Variants in PSG7 observed in about 807,000 individuals in gnomAD.
PSG7 encodes the protein pregnancy-specific beta-1-glycoprotein 7.
Under a neutral mutation model 45.6 loss-of-function variants are expected in PSG7, and 57 were observed. The ratio of observed to expected loss-of-function variants is 1.25; its 90% CI spans 1.01 to 1.56. The LOEUF (loss-of-function observed/expected upper bound fraction) is 1.56. PSG7 is among the 40% of genes most tolerant of loss of function. The pLI, the probability that PSG7 is intolerant of heterozygous loss-of-function variation, is 0.00. For synonymous variants in PSG7, 298 were observed against 194.4 expected (o/e 1.53, Z -4.43); for missense variants, 796 against 508.4 (o/e 1.57, Z -5.44).
At chr19:42,928,820 G>T (rs1002152212) in intron 3 of PSG7, among the ~76,000 whole-genome samples, 2 of 151,352 alleles carry the variant, frequency 1.3e-5, no homozygotes, top group African/African-American at 4.9e-5. Context: ...TATGAGATTT[G>T]TTCCACCAGT....
At chr19:42,927,113 G>T in intron 3 of PSG7, 1 of 255,240 alleles carries the variant, frequency 3.9e-6, no homozygotes. Context: ...CCCCCTAGAT[G>T]TGATTTCTCT....
At chr19:42,934,005 G>T (rs1210530479) in intron 2 of PSG7, among the ~76,000 whole-genome samples, 1 of 151,478 alleles carries the variant, frequency 6.6e-6, no homozygotes, top group African/African-American at 2.4e-5. Context: ...TTTTGGATCA[G>T]TCATTTCTGC....
chr19:42,928,815 G>T (rs189763354), intron 3 of PSG7, among the ~76,000 whole-genome samples: 10 of 151,548 alleles, frequency 6.6e-5, no homozygotes, highest in Admixed American at 5.9e-4. Context: ...TTGATTATGA[G>T]ATTTGTTCCA....
At chr19:42,931,656 C>A (rs180768878) in intron 2 of PSG7, among the ~76,000 whole-genome samples, 10 of 151,360 alleles carry the variant, frequency 6.6e-5, no homozygotes, top group African/African-American at 2.2e-4. Flanking sequence ...TCTCCCCACA[C>A]GAAGAACTCC....
chr19:42,925,320 T>G, intron 5 of PSG7: 1 of 354,620 alleles, frequency 2.8e-6, no homozygotes, highest in East Asian at 7.7e-5. Context: ...ATATCAATAC[T>G]CATGAATAGT....
At chr19:42,926,948 G>T in intron 3 of PSG7, 1 of 851,778 alleles carries the variant, frequency 1.2e-6, no homozygotes, top group Non-Finnish European at 1.7e-6. Flanking sequence ...CAATTGAGCA[G>T]CAGTGCTGGG....
Position 42,937,013 on chromosome 19 carries a change from C to A in PSG7, c.64G>T (p.Ala22Ser), listed in dbSNP as rs372646041. 89 of 1,611,286 alleles carry A rather than the reference C, an allele frequency of 5.5e-5. 3 individuals are homozygous for A. Among genetic ancestry groups the A allele is most frequent in the Non-Finnish European group, 6.6e-5 (78 of 1,178,424 alleles). Reference protein sequence around the residue: ...HITWKGLLLTASLLNFWNPPT... With the variant: ...HITWKGLLLTSSLLNFWNPPT... ...CTCTCCCAGGAAGTTCTCTCCTCAC[C>A]TGTGAGCAGGAGCCCTTTCCAGGTT... is the stretch of plus-strand genomic sequence containing the variant. The change falls in exon 1 of 6, where the codon GCA becomes TCA. Residue 22 changes from alanine to serine, a missense_variant and splice_region_variant. Coordinates refer to ENST00000406070, the MANE Select transcript of PSG7 (RefSeq NM_002783.3).
chr19:42,926,229 C>T lies in PSG7; in HGVS notation c.989-202G>A, dbSNP rs1330529244. The T allele has an allele frequency of 9.0e-6, 12 of 1,329,480 alleles. 1 individual carries two copies. In the African/African-American group the frequency reaches 1.8e-4, roughly 20 times the overall value. The allele number at this position is 1,329,480 out of a possible 1,614,324, so 82.4% of individuals were successfully genotyped here. A position where few individuals can be genotyped will look rare whatever the true frequency, so the allele number is the denominator to read the frequency against. ...GCTGTGGGCCCCAAGTCTCCCATGA[C>T]AAGAGCGTCCACTCCCCTTATATTC... On this transcript the variant is annotated intron_variant, in intron 4 of 5. Coordinates refer to ENST00000406070, the MANE Select transcript of PSG7 (RefSeq NM_002783.3).
chr19:42,935,477 G>A lies in PSG7; in HGVS notation c.357C>T (p.Ser119=), dbSNP rs368201966. The A allele has an allele frequency of 1.2e-6, 2 of 1,612,180 alleles. No homozygotes were observed. Among genetic ancestry groups the A allele is most frequent in the Admixed American group, 1.7e-5 (1 of 59,884 alleles). Residue 119 remains serine, a synonymous_variant, in exon 2 of 6, where the codon TCC becomes TCT. Transcript: ENST00000406070. Reference sequence around the variant, plus strand: ...CTCGCTTTATGATGTGTAAAGTGTAGGATCCTGTGTCTTCCTGGGTGACAT... The same window carrying A: ...CTCGCTTTATGATGTGTAAAGTGTAAGATCCTGTGTCTTCCTGGGTGACAT... ...IQNVTQEDTG[S]YTLHIIKRGD...
chr19:42,933,309 T>TATA (rs1568459658), intron 2 of PSG7, among the ~76,000 whole-genome samples: 8 of 21,112 alleles, frequency 3.8e-4, no homozygotes, highest in East Asian at 1.9e-3. Flanking sequence ...ATATATATAT[T>TATA]TTTTTTTTTT....
chr19:42,929,486 G>A lies in PSG7; in HGVS notation c.665C>T (p.Pro222Leu), dbSNP rs1414222098. ...TGGGTCACTGCGGCTGGCACTCACT[G>A]GGTTCCGTATTTCACATTCATAGGG... Reference protein sequence around the residue: ...AGPYECEIRNPVSASRSDPVT... With the variant: ...AGPYECEIRNLVSASRSDPVT... Residue 222 changes from proline (P) to leucine (L), a missense_variant, in exon 3 of 6, where the codon CCA (proline) becomes CTA (leucine). Coordinates refer to ENST00000406070, the MANE Select transcript of PSG7 (RefSeq NM_002783.3). 6.2e-7 allele frequency: 1 copy of A among 1,612,594 alleles called. No homozygotes were observed. The highest frequency in any genetic ancestry group is 2.2e-5 in the East Asian group (1 of 44,806).
chr19:42,926,160 A>T (rs1972882737), intron 4 of PSG7, 133 bp from the exon 5 acceptor site: 4 of 1,465,612 alleles, frequency 2.7e-6, no homozygotes, highest in Non-Finnish European at 3.7e-6. Flanking sequence ...CTCTATGTTC[A>T]CTGAGCCGAA....
At chr19:42,935,822 A>C in intron 1 of PSG7, 53 bp from the exon 2 acceptor site, 1 of 1,555,520 alleles carries the variant, frequency 6.4e-7, no homozygotes, top group South Asian at 1.3e-5. Context: ...GTTGGGTTGA[A>C]AAGATGGGCC....
intron 2 of PSG7, among the ~76,000 whole-genome samples, chr19:42,933,282 TATATATA>T (rs1973063509): frequency 1.4e-4 from 1 of 7,386 alleles, no homozygotes; most frequent in African/African-American, 3.8e-4. Context: ...TATATATATA[TATATATA>T]TATATATATA....
chr19:42,928,402 T>C (rs1269376186), intron 3 of PSG7, among the ~76,000 whole-genome samples: 1 of 151,624 alleles, frequency 6.6e-6, no homozygotes, highest in Non-Finnish European at 1.5e-5. Flanking sequence ...ATATTGATTC[T>C]TCCAATCCAT....
In PSG7 at chr19:42,926,478, A is replaced by G. The variant is rs750261004; in HGVS notation, c.948T>C (p.Tyr316=). Residue 316 remains tyrosine (Y), a synonymous_variant, in exon 4 of 6, where the codon TAT becomes TAC. Coordinates refer to ENST00000406070, the MANE Select transcript of PSG7 (RefSeq NM_002783.3). ...GPYQCEIRDR[Y]GGIRSDPVTL... ...TGACTGGGTCACTGCGGATGCCACC[A>G]TATCGGTCCCGTATTTCACATTGAT... 3 of 1,611,534 alleles carry G rather than the reference A, an allele frequency of 1.9e-6. No homozygotes were observed. The South Asian group carries it at 3.3e-5, about 18-fold the overall frequency.
intron 2 of PSG7, among the ~76,000 whole-genome samples, chr19:42,934,608 T>G (rs1210839352): frequency 6.6e-6 from 1 of 151,782 alleles, no homozygotes; most frequent in African/African-American, 2.4e-5. Flanking sequence ...TGTGGAAATG[T>G]TCACCAAACA....
At position 42,935,681 on chromosome 19, in the gene PSG7, A is replaced by G. The variant is rs1973135131; in HGVS notation, c.153T>C (p.Val51=). The G allele has an allele frequency of 6.2e-7, 1 of 1,612,068 alleles. No individual in the cohort carries two copies. Residue 51 remains valine, a synonymous_variant, in exon 2 of 6, where the codon GTT becomes GTC. Transcript: ENST00000406070. ...QPPKVSEGKD[V]LLLVHNLPQN... ...GGGGCAAATTGTGGACAAGTAGAAG[A>G]ACATCCTTCCCCTCGGAAACTTTTG...
chr19:42,926,332 T>C lies in PSG7; in HGVS notation c.988+106A>G, dbSNP rs1399273318. The C allele has an allele frequency of 2.8e-5, 43 of 1,561,042 alleles. 1 individual carries two copies. The highest frequency in any genetic ancestry group is 3.7e-5 in the Non-Finnish European group (43 of 1,154,332). On this transcript the variant is annotated intron_variant, in intron 4 of 5. Coordinates refer to ENST00000406070, the MANE Select transcript of PSG7 (RefSeq NM_002783.3). Reference sequence around the variant, plus strand: ...GCTCGGATGTCCAGAAGTAAATATGTCTATACTTGGACCGGAGAGAGACTG... The same window carrying C: ...GCTCGGATGTCCAGAAGTAAATATGCCTATACTTGGACCGGAGAGAGACTG...
Sources: gnomAD v4.1 joint callset for allele counts (sites outside exome capture counted in the v4.1 genomes callset) on GRCh38, gnomAD v4.1.1 for gene constraint, MANE v1.5 for transcripts, NCBI Gene and HGNC (gene_info 2026-07-23, HGNC 2026-07-21) for gene names.